The following USP34 variants were observed in gnomAD, a reference collection of about 807,000 sequenced individuals.
USP34 encodes ubiquitin carboxyl-terminal hydrolase 34.
Under a neutral mutation model 460.3 loss-of-function variants are expected in USP34, and 70 were observed. The observed-to-expected ratio is 0.15, with a 90% CI of 0.13 to 0.19. The LOEUF is 0.19. USP34 is among the 10% of genes least tolerant of loss of function. The pLI, the probability that USP34 is intolerant of heterozygous loss-of-function variation, is 1.00. For synonymous variants in USP34, 1,647 were observed against 1,405.3 expected (o/e 1.17, Z -3.85); for missense variants, 3,985 against 4,236.2 (o/e 0.94, Z 1.65).
intron 1 of USP34, among the ~76,000 whole-genome samples, chr2:61,452,752 G>C (rs1695321515): frequency 6.6e-6 from 1 of 151,450 alleles, no homozygotes; most frequent in Non-Finnish European, 1.5e-5. Flanking sequence ...AGAATTAGCT[G>C]GGCTTGCCAG....
At chr2:61,299,648 C>T (rs991958828) in intron 29 of USP34, among the ~76,000 whole-genome samples, 4 of 151,152 alleles carry the variant, frequency 2.6e-5, no homozygotes, top group Admixed American at 6.6e-5. Context: ...CTATTCAGGA[C>T]GCTGAGGCAG....
chr2:61,302,924 G>C (rs934397153), intron 27 of USP34, among the ~76,000 whole-genome samples: 4 of 151,936 alleles, frequency 2.6e-5, no homozygotes, highest in Non-Finnish European at 5.9e-5. Flanking sequence ...AATTACATTG[G>C]AATTACTGAT....
intron 69 of USP34, 78 bp from the exon 70 acceptor site, chr2:61,209,055 A>C: frequency 1.1e-6 from 1 of 879,714 alleles, no homozygotes; most frequent in Non-Finnish European, 1.7e-6. Flanking sequence ...ATAAAAAGAA[A>C]TAAAATCATC....
At chr2:61,356,760 G>C (rs1366565283) in intron 10 of USP34, among the ~76,000 whole-genome samples, 3 of 152,154 alleles carry the variant, frequency 2.0e-5, no homozygotes, top group African/African-American at 4.8e-5. Flanking sequence ...CAGAGTTTCA[G>C]TTTTGCAATA....
At chr2:61,312,713 TTTG>T (rs1239589179) in intron 25 of USP34, among the ~76,000 whole-genome samples, 1 of 152,138 alleles carries the variant, frequency 6.6e-6, no homozygotes, top group Non-Finnish European at 1.5e-5. Context: ...CAATTAATAA[TTTG>T]TTGTTATCAG....
intron 5 of USP34, among the ~76,000 whole-genome samples, chr2:61,389,310 G>A (rs537518553): frequency 1.3e-5 from 2 of 152,254 alleles, no homozygotes; most frequent in African/African-American, 2.4e-5. Flanking sequence ...TGAGCCACAT[G>A]TTATCACTTT....
intron 41 of USP34, among the ~76,000 whole-genome samples, chr2:61,273,300 A>T (rs914974746): frequency 6.6e-6 from 1 of 152,252 alleles, no homozygotes; most frequent in Non-Finnish European, 1.5e-5. Context: ...ATCTGGAAAT[A>T]TAATACAATC....
At chr2:61,431,856 A>G (rs907652631) in intron 1 of USP34, among the ~76,000 whole-genome samples, 1 of 152,060 alleles carries the variant, frequency 6.6e-6, no homozygotes, top group South Asian at 2.1e-4. Flanking sequence ...CTCCATCTCA[A>G]AAAAATAAAT....
At chr2:61,286,029 C>T (rs1297647310) in intron 34 of USP34, among the ~76,000 whole-genome samples, 3 of 152,298 alleles carry the variant, frequency 2.0e-5, no homozygotes, top group East Asian at 3.9e-4. Flanking sequence ...ATACAATGTG[C>T]AAATAAGCAA....
intron 1 of USP34, among the ~76,000 whole-genome samples, chr2:61,443,532 G>C (rs944387675): frequency 6.0e-5 from 9 of 149,054 alleles, no homozygotes; most frequent in African/African-American, 2.2e-4. Context: ...AATACATAAA[G>C]AACATTTAAA....
chr2:61,242,966 C>A (rs909968098), intron 51 of USP34, among the ~76,000 whole-genome samples: 1 of 151,912 alleles, frequency 6.6e-6, no homozygotes, highest in Non-Finnish European at 1.5e-5. Flanking sequence ...TCTCAGCCTC[C>A]TGAATAGCTG....
In USP34 at chr2:61,214,455, A is replaced by G. The variant is rs1687346847; in HGVS notation, c.8287T>C (p.Leu2763=). 1.2e-6 allele frequency: 2 copies of G among 1,614,094 alleles called. No individual in the cohort carries two copies. The highest frequency in any genetic ancestry group is 2.7e-5 in the African/African-American group (2 of 74,934). ...VPYFSFMTYC[L]ISKTEKLMFS... ...ATCAGCTTCTCAGTTTTGGAAATTA[A>G]ACAGTAAGTCATAAAGCTAAAATAG... Residue 2763 remains leucine (L), a synonymous_variant, in exon 68 of 80, where the codon TTA becomes CTA. Transcript: ENST00000398571.
chr2:61,341,983 G>A (rs559509968), intron 16 of USP34, among the ~76,000 whole-genome samples: 17 of 151,940 alleles, frequency 1.1e-4, no homozygotes, highest in African/African-American at 3.4e-4. Context: ...GGCTGGCCTC[G>A]AGATGCTGAC....
chr2:61,468,545 T>C (rs1033956971), intron 1 of USP34, among the ~76,000 whole-genome samples: 1 of 152,206 alleles, frequency 6.6e-6, no homozygotes, highest in South Asian at 2.1e-4. Context: ...AACTTTTAAA[T>C]TGAGCCTCAA....
At chr2:61,427,151 C>T (rs1040146437) in intron 1 of USP34, among the ~76,000 whole-genome samples, 32 of 152,322 alleles carry the variant, frequency 2.1e-4, no homozygotes, top group African/African-American at 7.5e-4. Flanking sequence ...CCTCAGCCTC[C>T]CGAGTAGCTG....
intron 34 of USP34, among the ~76,000 whole-genome samples, chr2:61,286,425 G>A (rs1386654313): frequency 6.6e-6 from 1 of 152,150 alleles, no homozygotes; most frequent in African/African-American, 2.4e-5. Context: ...GGAGGCCGAG[G>A]CAGGAGGATC....
chr2:61,341,924 A>G (rs905107550), intron 16 of USP34, among the ~76,000 whole-genome samples: 3 of 151,074 alleles, frequency 2.0e-5, no homozygotes, highest in Non-Finnish European at 4.4e-5. Flanking sequence ...CATCACACCC[A>G]GCTGATTTTT....
At chr2:61,245,878 C>G (rs1272124587) in intron 50 of USP34, among the ~76,000 whole-genome samples, 1 of 152,116 alleles carries the variant, frequency 6.6e-6, no homozygotes, top group Non-Finnish European at 1.5e-5. Context: ...AAAACAGGTA[C>G]TGGGGACTGG....
chr2:61,336,060 A>G (rs1174992380), intron 18 of USP34, among the ~76,000 whole-genome samples: 1 of 152,204 alleles, frequency 6.6e-6, no homozygotes, highest in East Asian at 1.9e-4. Context: ...ATTACAGCGT[A>G]TATCAAAAGT....
Sources: allele counts gnomAD v4.1 joint callset (sites outside exome capture counted in the v4.1 genomes callset), GRCh38; gene constraint gnomAD v4.1.1; transcripts MANE v1.5; gene names NCBI Gene and HGNC (gene_info 2026-07-23, HGNC 2026-07-21).